The following NOC2L variants were observed in gnomAD, a reference collection of about 807,000 sequenced individuals.
The protein encoded by NOC2L is NOC2 like nucleolar associated transcriptional repressor, also known as nucleolar complex protein 2 homolog.
NOC2L carries 101 observed loss-of-function variants against 94.2 expected under a neutral mutation model. The ratio of observed to expected loss-of-function variants is 1.07; its 90% CI spans 0.91 to 1.26. NOC2L has a LOEUF of 1.26. NOC2L is among the 50% of genes most tolerant of loss of function. The probability of loss-of-function intolerance (pLI) is 0.00; values close to 1 mark genes in which losing one functional copy is unlikely to be tolerated. For synonymous variants in NOC2L, 531 were observed against 413.4 expected, an observed-to-expected ratio of 1.28 and a Z score of -3.45; for missense variants, 1,076 against 980.1, an observed-to-expected ratio of 1.10 and a Z score of -1.31.
At position 952,451 on chromosome 1, in the gene NOC2L, G is replaced by A. The variant is rs150498493; in HGVS notation, c.1152C>T (p.Leu384=). 163 of 1,613,686 alleles carry A rather than the reference G, an allele frequency of 1.0e-4. No individual in the cohort carries two copies. The highest frequency in any genetic ancestry group is 2.5e-4 in the African/African-American group (19 of 74,912). The change falls in exon 10 of 19, where the codon CTC becomes CTT. Residue 384 remains leucine (L), a synonymous_variant. Transcript: ENST00000327044. ...TCATGGCGTTGCGCAGGTGTATGGC[G>A]AGCTGGCGGATGTAGAGGAAGGCGT... The part of the protein sequence containing the change: ...YQHAFLYIRQ[L]AIHLRNAMTT...
chr1:956,793 T>C, intron 4 of NOC2L, 101 bp downstream of exon 4: 1 of 1,540,824 alleles, frequency 6.5e-7, no homozygotes, highest in South Asian at 1.2e-5. Context: ...GATCTCTGCC[T>C]GGGCACCCAG....
intron 2 of NOC2L, 163 bp downstream of exon 2, chr1:958,766 G>C (rs746404422): frequency 2.6e-6 from 2 of 767,090 alleles, no homozygotes; most frequent in Non-Finnish European, 4.5e-6. Flanking sequence ...CGGAACAGGA[G>C]CTCAGTAAAC....
In NOC2L at chr1:946,694, T is replaced by C. The variant is rs995687533; in HGVS notation, c.1660-149A>G. On this transcript the variant is annotated intron_variant, in intron 14 of 18. Coordinates refer to ENST00000327044, the MANE Select transcript of NOC2L (RefSeq NM_015658.4). The stretch of plus-strand genomic sequence containing the variant: ...TCTCAGGGCTCAAGTGCATAGCTGT[T>C]GCAGCTGGGATGGCAGAGGCAGAAT... 4 of 917,816 alleles carry C rather than the reference T, an allele frequency of 4.4e-6. No individual in the cohort carries two copies. In the East Asian group the frequency reaches 1.0e-4, roughly 24 times the overall value. 56.9% of individuals were successfully genotyped at this position (917,816 alleles called of 1,614,324 possible).
chr1:954,299 T>C, intron 6 of NOC2L: 1 of 536,250 alleles, frequency 1.9e-6, no homozygotes, highest in Non-Finnish European at 3.3e-6. Flanking sequence ...TCAGTGGCCT[T>C]GAACTCCTGT....
intron 6 of NOC2L, 34 bp from the exon 7 acceptor site, chr1:954,116 C>A (rs533504168): frequency 1.9e-6 from 3 of 1,602,606 alleles, no homozygotes; most frequent in Middle Eastern, 1.7e-4. Context: ...GGCTGGGAGG[C>A]CCCACGGCTC....
In NOC2L at chr1:952,612, C is replaced by A. The variant is rs754145683; in HGVS notation, c.1003-12G>T. The A allele has an allele frequency of 6.2e-7, 1 of 1,613,352 alleles. No homozygotes were observed. The highest frequency in any genetic ancestry group is 8.5e-7 in the Non-Finnish European group (1 of 1,179,962). On this transcript the variant is annotated splice_polypyrimidine_tract_variant and intron_variant, in intron 9 of 18. Transcript: ENST00000327044. ...GTGATGTACATTTGCTGCGGAGAGA[C>A]CCGGGTCAGAGCCACCTGGGATCAG...
At chr1:945,280 C>A in intron 17 of NOC2L, 134 bp from the exon 18 acceptor site, 1 of 1,213,204 alleles carries the variant, frequency 8.2e-7, no homozygotes. Context: ...GAGAGGAGCC[C>A]TGGGGAGGAA....
In NOC2L at chr1:956,202, G is replaced by A. The variant is rs539291822; in HGVS notation, c.500C>T (p.Pro167Leu). The change falls in exon 5 of 19, where the codon CCA becomes CTA. Residue 167 changes from proline to leucine, a missense_variant. Pro to Leu is a moderately conservative substitution (Grantham distance 98). Coordinates refer to ENST00000327044, the MANE Select transcript of NOC2L (RefSeq NM_015658.4). ...WKQAAKQRLT[P>L]KLFHEVVQAF... ...CTGTACCACTTCATGGAACAGCTTT[G>A]GAGTGAGGCGTTGCTGAAGGAGCAA... 9.9e-6 allele frequency: 16 copies of A among 1,613,686 alleles called. No individual in the cohort carries two copies. Among genetic ancestry groups the A allele is most frequent in the African/African-American group, 2.7e-5 (2 of 75,026 alleles).
intron 6 of NOC2L, among the ~76,000 whole-genome samples, chr1:955,648 C>A (rs1006560328): frequency 7.9e-5 from 12 of 152,212 alleles, no homozygotes; most frequent in Non-Finnish European, 4.4e-5. Flanking sequence ...CTGGGAAAAT[C>A]TGAGAGCAAA....
rs1048778932 is a variant in NOC2L at position 944,703 on chromosome 1, C to T, written c.2241G>A (p.Glu747=). The T allele has an allele frequency of 4.4e-6, 7 of 1,596,154 alleles. No individual in the cohort carries two copies. Among genetic ancestry groups the T allele is most frequent in the Non-Finnish European group, 6.0e-6 (7 of 1,176,176 alleles). ...EDELEDLQLS[E]DD ...CCCCAGATGGGCTGCCTCAGTCGTC[C>T]TCTGAGAGCTGCAGATCCTCCAGCT... The change falls in exon 19 of 19, where the codon GAG becomes GAA. Residue 747 remains glutamate, a synonymous_variant. Transcript: ENST00000327044.
chr1:946,312 C>G, intron 15 of NOC2L, 26 bp from the exon 16 acceptor site: 1 of 1,610,946 alleles, frequency 6.2e-7, no homozygotes, highest in Non-Finnish European at 8.5e-7. Context: ...AGTTCAGGGT[C>G]ATGCCTCACC....
At position 958,912 on chromosome 1, in the gene NOC2L, C is replaced by T. The variant is rs558490068; in HGVS notation, c.179+17G>A. ...CAGGACGAGCAAGAGGTTCTGCTCACGCATGTCCCCACTAACCTGGCCGAG... is the reference window on the plus strand; with the variant it reads ...CAGGACGAGCAAGAGGTTCTGCTCATGCATGTCCCCACTAACCTGGCCGAG... On this transcript the variant is annotated intron_variant, in intron 2 of 18. Coordinates refer to ENST00000327044, the MANE Select transcript of NOC2L (RefSeq NM_015658.4). 14 of 1,612,600 alleles carry T rather than the reference C, an allele frequency of 8.7e-6. No homozygotes were observed. The South Asian group carries it at 1.2e-4, about 14-fold the overall frequency.
intron 13 of NOC2L, 106 bp from the exon 14 acceptor site, chr1:948,338 A>C: frequency 9.0e-7 from 1 of 1,112,298 alleles, no homozygotes; most frequent in Non-Finnish European, 1.3e-6. Flanking sequence ...CAGGGCACGG[A>C]CTGCAAGGAA....
In NOC2L at chr1:954,059, GGGCTGCTGGAC is replaced by G; in HGVS notation, c.711_721del (p.Ser238AlafsTer356). The G allele has an allele frequency of 6.2e-7, 1 of 1,610,734 alleles. No homozygotes were observed. The highest frequency in any genetic ancestry group is 8.5e-7 in the Non-Finnish European group (1 of 1,177,932). ...GTCCACACGAAGCTTCCCCCAGAGC[GGGCTGCTGGAC>G]GGCTGCAGCATCCTGCAGAGAGACC... On this transcript the variant is annotated frameshift_variant, in exon 7 of 19. Transcript: ENST00000327044. LOFTEE classifies it high-confidence loss of function.
Position 953,875 on chromosome 1 carries a change from C to A in NOC2L, c.795G>T (p.Ser265=). 2 of 1,613,232 alleles carry A rather than the reference C, an allele frequency of 1.2e-6. No homozygotes were observed. Among genetic ancestry groups the A allele is most frequent in the Non-Finnish European group, 1.7e-6 (2 of 1,180,006 alleles). ...GSAIQLVSCL[S]ETTVLAAVLR... Reference sequence around the variant, plus strand: ...GCACGGCCGCCAACACCGTCGTCTCCGACAGACAGGACACCAGCTGGGGGC... The same window carrying A: ...GCACGGCCGCCAACACCGTCGTCTCAGACAGACAGGACACCAGCTGGGGGC... Residue 265 remains serine (S), a synonymous_variant, in exon 8 of 19, where the codon TCG becomes TCT. Coordinates refer to ENST00000327044, the MANE Select transcript of NOC2L (RefSeq NM_015658.4).
intron 2 of NOC2L, 21 bp downstream of exon 2, chr1:958,908 C>A (rs759308233): frequency 6.2e-7 from 1 of 1,612,584 alleles, no homozygotes; most frequent in Non-Finnish European, 8.5e-7. Context: ...AGAGGTTCTG[C>A]TCACGCATGT....
At chr1:958,032 G>A (rs1642462923) in intron 2 of NOC2L, 1 of 150,082 alleles carries the variant, frequency 6.7e-6, no homozygotes, top group Admixed American at 6.6e-5. Flanking sequence ...TCTTTATTCA[G>A]ACGTCATCTT....
At chr1:949,266 G>A (rs931564103) in intron 12 of NOC2L, among the ~76,000 whole-genome samples, 2 of 152,280 alleles carry the variant, frequency 1.3e-5, no homozygotes, top group South Asian at 2.1e-4. Flanking sequence ...GTACATGCTG[G>A]GGCACCAGAG....
intron 6 of NOC2L, among the ~76,000 whole-genome samples, 200 bp downstream of exon 6, chr1:955,723 G>A (rs536977948): frequency 2.6e-5 from 4 of 152,334 alleles, no homozygotes; most frequent in East Asian, 1.9e-4. Context: ...AGGAAGGAAA[G>A]AAGGTGGGGC....
Sources: gnomAD v4.1 joint callset for allele counts (sites outside exome capture counted in the v4.1 genomes callset) on GRCh38, gnomAD v4.1.1 for gene constraint, MANE v1.5 for transcripts, NCBI Gene and HGNC (gene_info 2026-07-23, HGNC 2026-07-21) for gene names.